Variants in PRKG1 observed in about 807,000 individuals in gnomAD.
The protein encoded by PRKG1 is cGMP-dependent protein kinase 1.
A neutral mutation model predicts 88.1 loss-of-function variants in PRKG1; 35 were observed. The observed-to-expected ratio is 0.40, with a 90% confidence interval of 0.30 to 0.53. The LOEUF (loss-of-function observed/expected upper bound fraction) is 0.53. Among genes scored for constraint, PRKG1 ranks in the 20% least tolerant of loss-of-function variants. PRKG1 has a pLI of 0.59. For missense variants in PRKG1, 540 were observed against 839.8 expected (o/e 0.64, Z 4.41); for synonymous variants, 303 against 292.5 (o/e 1.04, Z -0.37).
Position 52,266,505 on chromosome 10 carries a change from A to G in PRKG1, c.1174-4845A>G, listed in dbSNP as rs189274078. On this transcript the variant is annotated intron_variant, in intron 10 of 17. Coordinates refer to ENST00000373980, the MANE Select transcript of PRKG1 (RefSeq NM_006258.4). The stretch of plus-strand genomic sequence containing the variant: ...CTGTTCCTGCGTTAGTTTGCTGAGG[A>G]TAATGGCCTCCAGCTCCATCCATGT... Among the ~76,000 whole-genome samples, 746 of 152,054 alleles carry G rather than the reference A, an allele frequency of 4.9e-3. 5 individuals carry two copies. The highest frequency in any genetic ancestry group is 8.8e-3 in the Non-Finnish European group (599 of 67,974).
intron 1 of PRKG1, among the ~76,000 whole-genome samples, chr10:51,106,473 G>A (rs1844833802): frequency 6.6e-6 from 1 of 152,096 alleles, no homozygotes; most frequent in Non-Finnish European, 1.5e-5. Flanking sequence ...TGAAATTTAA[G>A]CTTGGAATTA....
At chr10:51,022,846 A>G (rs1287586089) in intron 1 of PRKG1, among the ~76,000 whole-genome samples, 2 of 152,160 alleles carry the variant, frequency 1.3e-5, no homozygotes, top group Admixed American at 1.3e-4. Context: ...CTGTACAAAA[A>G]ATTAGCTGGG....
At chr10:51,668,142 G>A (rs549068916) in intron 3 of PRKG1, among the ~76,000 whole-genome samples, 1 of 152,226 alleles carries the variant, frequency 6.6e-6, no homozygotes, top group Admixed American at 6.5e-5. Flanking sequence ...CTGAGAATCT[G>A]GCACAAGAAA....
At chr10:51,531,599 T>C (rs1199076580) in intron 3 of PRKG1, among the ~76,000 whole-genome samples, 1 of 151,866 alleles carries the variant, frequency 6.6e-6, no homozygotes. Context: ...GTTTAACCTT[T>C]GTGAATAGAG....
chr10:52,246,084 G>A (rs1448191014), intron 9 of PRKG1, among the ~76,000 whole-genome samples: 1 of 152,038 alleles, frequency 6.6e-6, no homozygotes, highest in Non-Finnish European at 1.5e-5. Flanking sequence ...ATTATATTTG[G>A]TTTCCAATAC....
At chr10:51,956,503 T>C (rs1239045950) in intron 5 of PRKG1, among the ~76,000 whole-genome samples, 1 of 152,074 alleles carries the variant, frequency 6.6e-6, no homozygotes, top group Non-Finnish European at 1.5e-5. Context: ...TTAGGATACT[T>C]TCCAAGATTC....
intron 2 of PRKG1, chr10:51,244,761 T>C (rs1456454044): frequency 1.3e-5 from 2 of 152,108 alleles, no homozygotes; most frequent in African/African-American, 4.8e-5. Flanking sequence ...CTTGTCATAA[T>C]TTTTCCGTTT....
intron 4 of PRKG1, among the ~76,000 whole-genome samples, chr10:51,880,247 T>C (rs765884073): frequency 4.8e-5 from 6 of 124,904 alleles, no homozygotes; most frequent in Non-Finnish European, 9.9e-5. Context: ...TGTCCATATG[T>C]AGAACTGAGC....
chr10:52,289,968 G>T (rs1842203314), intron 16 of PRKG1, among the ~76,000 whole-genome samples: 1 of 152,138 alleles, frequency 6.6e-6, no homozygotes, highest in Non-Finnish European at 1.5e-5. Context: ...CAAGGTCATA[G>T]AGACATTATG....
intron 2 of PRKG1, among the ~76,000 whole-genome samples, chr10:51,435,442 ATGT>A (rs1273103359): frequency 7.7e-6 from 1 of 129,626 alleles, no homozygotes; most frequent in Non-Finnish European, 1.7e-5. Context: ...ATATATATAT[ATGT>A]CATATGACAT....
At chr10:51,093,828 A>G (rs1844459752) in intron 1 of PRKG1, among the ~76,000 whole-genome samples, 1 of 149,538 alleles carries the variant, frequency 6.7e-6, no homozygotes, top group African/African-American at 2.5e-5. Flanking sequence ...ACACACACAC[A>G]CACACACGCC....
At chr10:51,621,009 G>GTATATATATATA (rs55657310) in intron 3 of PRKG1, among the ~76,000 whole-genome samples, 175 of 121,876 alleles carry the variant, frequency 1.4e-3, no homozygotes, top group South Asian at 6.3e-3. Flanking sequence ...GTATATGTGT[G>GTATATATATATA]TATATATATA....
At chr10:51,275,423 T>G (rs1206041564) in intron 2 of PRKG1, among the ~76,000 whole-genome samples, 1 of 152,202 alleles carries the variant, frequency 6.6e-6, no homozygotes, top group Non-Finnish European at 1.5e-5. Flanking sequence ...AAAATCCTAA[T>G]TTTTCTTTGG....
intron 2 of PRKG1, among the ~76,000 whole-genome samples, chr10:51,419,196 A>C (rs1414045782): frequency 1.3e-5 from 2 of 152,216 alleles, no homozygotes; most frequent in African/African-American, 4.8e-5. Flanking sequence ...ACTTAAAGTT[A>C]TATGAGAAAT....
intron 4 of PRKG1, among the ~76,000 whole-genome samples, chr10:51,873,801 T>A (rs980380091): frequency 6.6e-6 from 1 of 152,210 alleles, no homozygotes; most frequent in African/African-American, 2.4e-5. Context: ...AGTGCTGGGA[T>A]TACAGGCGTG....
intron 4 of PRKG1, among the ~76,000 whole-genome samples, chr10:51,854,062 C>A (rs765480501): frequency 2.0e-5 from 3 of 151,992 alleles, no homozygotes; most frequent in Non-Finnish European, 2.9e-5. Context: ...TACTTCCTGG[C>A]CCCTCTATAT....
At chr10:51,045,845 A>C (rs781474231) in intron 1 of PRKG1, among the ~76,000 whole-genome samples, 2 of 152,244 alleles carry the variant, frequency 1.3e-5, no homozygotes, top group Non-Finnish European at 2.9e-5. Flanking sequence ...TTCCTCATAG[A>C]CTAATTTATT....
At chr10:51,924,964 TC>T (rs1422220493) in intron 5 of PRKG1, among the ~76,000 whole-genome samples, 12 of 149,328 alleles carry the variant, frequency 8.0e-5, no homozygotes, top group African/African-American at 1.5e-4. Flanking sequence ...TTTTTTTTTT[TC>T]ATTAGAACTC....
chr10:51,195,199 T>C (rs903364065), intron 2 of PRKG1, among the ~76,000 whole-genome samples: 7 of 152,238 alleles, frequency 4.6e-5, no homozygotes, highest in African/African-American at 1.7e-4. Flanking sequence ...CATTTGATTC[T>C]TAGGCTGATT....
Sources: gnomAD v4.1 joint callset for allele counts (sites outside exome capture counted in the v4.1 genomes callset) on GRCh38, gnomAD v4.1.1 for gene constraint, MANE v1.5 for transcripts, NCBI Gene and HGNC (gene_info 2026-07-23, HGNC 2026-07-21) for gene names.